Variants in LAS1L observed in about 807,000 individuals in gnomAD.
The protein encoded by LAS1L is LAS1 like ribosome biogenesis factor, also known as ribosomal biogenesis protein LAS1L.
Under a neutral mutation model 57.3 loss-of-function variants are expected in LAS1L, and 5 were observed. The observed-to-expected ratio is 0.09, with a 90% CI of 0.05 to 0.18. The LOEUF is 0.18. Among genes scored for constraint, LAS1L ranks in the 10% least tolerant of loss-of-function variants. The pLI, the probability that LAS1L is intolerant of heterozygous loss-of-function variation, is 1.00. For synonymous variants in LAS1L, 245 were observed against 231.7 expected, an observed-to-expected ratio of 1.06 and a Z score of -0.52; for missense variants, 360 against 568.3, an observed-to-expected ratio of 0.63 and a Z score of 3.73.
intron 2 of LAS1L, 53 bp from the exon 3 acceptor site, chrX:65,532,683 A>C: frequency 1.1e-6 from 1 of 889,804 alleles, no homozygotes; most frequent in Non-Finnish European, 1.7e-6. Context: ...TTTTATTCCA[A>C]ACACTTTGCT....
At chrX:65,515,804 C>T (rs1181249763) in intron 12 of LAS1L, among the ~76,000 whole-genome samples, 2 of 111,848 alleles carry the variant, frequency 1.8e-5, no homozygotes, top group Non-Finnish European at 3.8e-5. Flanking sequence ...CCTCCCCACA[C>T]ATGTGTACAC....
In LAS1L at chrX:65,534,741, C is replaced by A; in HGVS notation, c.-26G>T. ...ACTGAGCTCAACAACAGGCTCTGTG[C>A]CGCGCCGCTCCGCACAGCCTTCAGC... On this transcript the variant is annotated 5_prime_UTR_variant, in exon 1 of 14. Transcript: ENST00000374811. 1 of 1,089,910 alleles carries A rather than the reference C, an allele frequency of 9.2e-7. No individual in the cohort carries two copies. The allele number at this position is 1,089,910 out of a possible 1,213,427, so 89.8% of individuals were successfully genotyped here. A position where few individuals can be genotyped will look rare whatever the true frequency, so the allele number is the denominator to read the frequency against.
At chrX:65,520,613 C>T in intron 11 of LAS1L, 4 of 754,511 alleles carry the variant, frequency 5.3e-6, no homozygotes, top group Non-Finnish European at 6.3e-6. Flanking sequence ...GGCAAACCCC[C>T]TCTGTTCTCC....
At position 65,512,783 on chromosome X, in the gene LAS1L, G is replaced by A; in HGVS notation, c.2197C>T (p.Leu733Phe). ...QLHGLKTGLQLF is the reference protein window; with the variant it reads ...QLHGLKTGLQFF ...TGCACCAGGGATGGCCATCAGAAGA[G>A]CTGCAGGCCAGTTTTGAGCCCATGC... Residue 733 changes from leucine to phenylalanine, a missense_variant, in exon 14 of 14, where the codon CTC becomes TTC. Physicochemically the swap from Leu to Phe is conservative, Grantham distance 22. Transcript: ENST00000374811. The A allele has an allele frequency of 8.6e-7, 1 of 1,167,938 alleles. No homozygotes were observed. The highest frequency in any genetic ancestry group is 1.9e-5 in the South Asian group (1 of 52,578).
chrX:65,534,483 C>T lies in LAS1L; in HGVS notation c.233G>A (p.Ser78Asn). 1 of 1,198,224 alleles carries T rather than the reference C, an allele frequency of 8.3e-7. No homozygotes were observed. The highest frequency in any genetic ancestry group is 1.1e-6 in the Non-Finnish European group (1 of 887,236). ...YALNRITVWRSRSGNELPLAV... is the reference protein window; with the variant it reads ...YALNRITVWRNRSGNELPLAV... Reference sequence around the variant, plus strand: ...AGGGCCGAACCCGCCACCTTACCTGCTCCTCCACACCGTGATGCGGTTAAG... The same window carrying T: ...AGGGCCGAACCCGCCACCTTACCTGTTCCTCCACACCGTGATGCGGTTAAG... The change falls in exon 1 of 14, where the codon AGC (serine) becomes AAC (asparagine). Residue 78 changes from serine to asparagine, a missense_variant. Physicochemically the swap from Ser to Asn is conservative, Grantham distance 46. Around this residue, in one of 7 missense-constraint regions of LAS1L, gnomAD observed 25 missense variants for 38.2 expected, o/e 0.65. Coordinates refer to ENST00000374811, the MANE Select transcript of LAS1L (RefSeq NM_031206.7).
chrX:65,533,273 G>A (rs2069594831), intron 2 of LAS1L, among the ~76,000 whole-genome samples: 1 of 110,044 alleles, frequency 9.1e-6, no homozygotes, highest in Non-Finnish European at 1.9e-5. Flanking sequence ...GAGCCATTCA[G>A]ACAAGTTCCT....
At chrX:65,529,440 A>G (rs775705564) in intron 5 of LAS1L, among the ~76,000 whole-genome samples, 154 bp downstream of exon 5, 1 of 111,766 alleles carries the variant, frequency 8.9e-6, no homozygotes, top group South Asian at 3.7e-4. Context: ...ATACTATGGA[A>G]ACTAGCCAGG....
chrX:65,525,656 C>A (rs780206331), intron 7 of LAS1L, among the ~76,000 whole-genome samples: 132 of 105,403 alleles, frequency 1.3e-3, no homozygotes, highest in African/African-American at 4.0e-3. Flanking sequence ...TCTATTAACC[C>A]ATTTATGCCG....
At chrX:65,528,755 T>C (rs1056701233) in intron 6 of LAS1L, among the ~76,000 whole-genome samples, 22 of 112,767 alleles carry the variant, frequency 2.0e-4, no homozygotes, top group Admixed American at 6.5e-4. Context: ...TAACTGTATA[T>C]GTGACTTTGG....
intron 7 of LAS1L, among the ~76,000 whole-genome samples, chrX:65,527,120 G>A (rs982470494): frequency 7.9e-5 from 8 of 101,172 alleles, no homozygotes; most frequent in African/African-American, 2.5e-4. Context: ...GGCTGAGGCA[G>A]GAGAATCCCT....
Position 65,534,773 on chromosome X carries a change from T to G in LAS1L, c.-58A>C. On this transcript the variant is annotated 5_prime_UTR_variant, in exon 1 of 14. Coordinates refer to ENST00000374811, the MANE Select transcript of LAS1L (RefSeq NM_031206.7). ...GCTCCGCACAGCCTTCAGCTCAGCG[T>G]GCTACCCTCACTCCGAACCGCCACC... 1 of 976,200 alleles carries G rather than the reference T, an allele frequency of 1.0e-6. No individual in the cohort carries two copies. Among genetic ancestry groups the G allele is most frequent in the Non-Finnish European group, 1.4e-6 (1 of 709,652 alleles). The allele number at this position is 976,200 out of a possible 1,213,427, so 80.4% of individuals were successfully genotyped here.
chrX:65,528,239 C>T, intron 7 of LAS1L, 21 bp downstream of exon 7: 1 of 1,031,711 alleles, frequency 9.7e-7, no homozygotes, highest in Non-Finnish European at 1.4e-6. Flanking sequence ...ATACGCAGCT[C>T]CCGGTTACCT....
chrX:65,516,254 T>C (rs1341085536), intron 12 of LAS1L, among the ~76,000 whole-genome samples: 1 of 111,233 alleles, frequency 9.0e-6, no homozygotes, highest in Non-Finnish European at 1.9e-5. Context: ...TGTCTTAATG[T>C]CCTGCATTAC....
rs2069493643 is a variant in LAS1L at position 65,531,507 on chromosome X, A to AT, written c.433-70dup. The AT allele has an allele frequency of 3.8e-6, 3 of 792,528 alleles. No homozygotes were observed. The African/African-American group carries it at 6.0e-5, about 16-fold the overall frequency. The allele number at this position is 792,528 out of a possible 1,213,427, so 65.3% of individuals were successfully genotyped here. On this transcript the variant is annotated intron_variant, in intron 3 of 13. Transcript: ENST00000374811. ...TATTAAAGCTGGAAGGGAGCCAGAG[A>AT]TTAATTATCCTGACCACCTCCTGCC...
rs772564998 is a variant in LAS1L at position 65,525,748 on chromosome X, CAAA to C, written c.957-701_957-699del. 3.0e-3 allele frequency among the ~76,000 whole-genome samples: 114 copies of C among 38,227 alleles called. 6 individuals carry two copies. The highest frequency in any genetic ancestry group is 0.013 in the African/African-American group (110 of 8,725). The allele number at this position is 38,227 out of a possible 115,157, so 33.2% of individuals were successfully genotyped here. ...AGGTCTTCACCAAGGTCTGATTTTT[CAAA>C]AAAAAAAAAAAAAAAAAGAAAGAAA... On this transcript the variant is annotated intron_variant, in intron 7 of 13. Coordinates refer to ENST00000374811, the MANE Select transcript of LAS1L (RefSeq NM_031206.7).
chrX:65,519,595 C>T (rs1261293385), intron 11 of LAS1L, among the ~76,000 whole-genome samples: 4 of 111,902 alleles, frequency 3.6e-5, no homozygotes, highest in Non-Finnish European at 5.6e-5. Context: ...ACACAAAAGA[C>T]GGCGCCAACA....
chrX:65,514,953 A>T lies in LAS1L; in HGVS notation c.1948T>A (p.Phe650Ile), dbSNP rs1201755345. 8.3e-7 allele frequency: 1 copy of T among 1,209,073 alleles called. No individual in the cohort carries two copies. Among genetic ancestry groups the T allele is most frequent in the East Asian group, 3.0e-5 (1 of 33,721 alleles). Residue 650 changes from phenylalanine to isoleucine, a missense_variant, in exon 13 of 14, where the codon TTT (phenylalanine) becomes ATT (isoleucine). Physicochemically the swap from Phe to Ile is conservative, Grantham distance 21. Coordinates refer to ENST00000374811, the MANE Select transcript of LAS1L (RefSeq NM_031206.7). ...TGACCTGGCATTCGGCCTAGGGGAA[A>T]TGTGTCCCATCGCACGTCTTCTGTG... ...VSSEDVRWDT[F>I]PLGRMPGQTE...
chrX:65,513,293 C>T (rs1190329868), intron 13 of LAS1L, among the ~76,000 whole-genome samples: 2 of 112,208 alleles, frequency 1.8e-5, no homozygotes, highest in African/African-American at 3.2e-5. Context: ...ATCCCTCCCA[C>T]ACCCAACACC....
intron 11 of LAS1L, chrX:65,522,664 G>C (rs1418621202): frequency 8.9e-6 from 1 of 112,035 alleles, no homozygotes; most frequent in Admixed American, 9.6e-5. Flanking sequence ...GGAAATGGAG[G>C]GATGGAGATC....
Sources: gnomAD v4.1 joint callset for allele counts (sites outside exome capture counted in the v4.1 genomes callset) on GRCh38, gnomAD v4.1.1 for gene constraint, gnomAD v4.1.1 regional missense constraint, MANE v1.5 for transcripts, NCBI Gene and HGNC (gene_info 2026-07-23, HGNC 2026-07-21) for gene names.